Variants in SMAD6 observed in about 807,000 individuals in gnomAD.
SMAD6 encodes SMAD family member 6, also known as MAD homolog 6.
Under a neutral mutation model 39.4 loss-of-function variants are expected in SMAD6, and 103 were observed. The ratio of observed to expected loss-of-function variants is 2.62; its 90% CI spans 2.23 to 3.08. SMAD6 has a LOEUF of 3.08. Among genes scored for constraint, SMAD6 ranks in the 30% most tolerant of loss-of-function variants. The pLI is 0.00. For synonymous variants in SMAD6, 445 were observed against 353.3 expected (o/e 1.26, Z -2.91); for missense variants, 1,104 against 742.9 (o/e 1.49, Z -5.65).
intron 3 of SMAD6, among the ~76,000 whole-genome samples, chr15:66,738,014 T>G (rs1893744330): frequency 6.6e-6 from 1 of 152,210 alleles, no homozygotes; most frequent in African/African-American, 2.4e-5. Context: ...CTGGACTATT[T>G]TTGAGTGTTC....
At chr15:66,758,853 A>G (rs938954068) in intron 3 of SMAD6, among the ~76,000 whole-genome samples, 4 of 152,248 alleles carry the variant, frequency 2.6e-5, no homozygotes, top group African/African-American at 9.6e-5. Context: ...GGGAATGGGA[A>G]AAGACATAGA....
intron 3 of SMAD6, among the ~76,000 whole-genome samples, chr15:66,734,868 T>C (rs889602816): frequency 6.6e-6 from 1 of 152,266 alleles, no homozygotes; most frequent in Non-Finnish European, 1.5e-5. Context: ...TTTTATGTTA[T>C]GTGTATTTTA....
chr15:66,759,702 A>G (rs1894165572), intron 3 of SMAD6, among the ~76,000 whole-genome samples: 2 of 152,260 alleles, frequency 1.3e-5, no homozygotes. Context: ...AAGACCAGGA[A>G]CAAAAGCTCT....
At chr15:66,766,338 C>T (rs185486686) in intron 3 of SMAD6, among the ~76,000 whole-genome samples, 48 of 152,284 alleles carry the variant, frequency 3.2e-4, no homozygotes, top group African/African-American at 9.1e-4. Context: ...CCGTCCAGGA[C>T]GCACTCTGTG....
At chr15:66,732,537 A>G (rs889796436) in intron 3 of SMAD6, among the ~76,000 whole-genome samples, 1 of 151,662 alleles carries the variant, frequency 6.6e-6, no homozygotes, top group South Asian at 2.1e-4. Context: ...TATTTTATAT[A>G]TTTTTCTAGA....
chr15:66,775,367 T>C (rs1389125855), intron 3 of SMAD6, among the ~76,000 whole-genome samples: 3 of 152,190 alleles, frequency 2.0e-5, no homozygotes, highest in Non-Finnish European at 4.4e-5. Context: ...TTTTTGTTTA[T>C]TGGTTTTCTG....
chr15:66,780,870 A>AT (rs1381851133), intron 3 of SMAD6, 127 bp from the exon 4 acceptor site: 2 of 896,816 alleles, frequency 2.2e-6, no homozygotes, highest in Non-Finnish European at 3.3e-6. Context: ...CGGTGCCCAC[A>AT]TGACTGCTGA....
intron 3 of SMAD6, among the ~76,000 whole-genome samples, chr15:66,744,059 TGCCAGGTCAAAG>T (rs1323384187): frequency 6.6e-6 from 1 of 152,156 alleles, no homozygotes; most frequent in Admixed American, 6.5e-5. Flanking sequence ...GAAGTGGGAT[TGCCAGGTCAAAG>T]GCCACACACA....
Position 66,724,184 on chromosome 15 carries a change from T to TCA in SMAD6, c.952+7687_952+7688dup, listed in dbSNP as rs145970576. 4.1e-3 allele frequency among the ~76,000 whole-genome samples: 622 copies of TCA among 152,268 alleles called. 5 individuals are homozygous for TCA. Among genetic ancestry groups the TCA allele is most frequent in the African/African-American group, 0.014 (596 of 41,542 alleles). ...TAGAGGAATGAGCTGAAACAGCTGA[T>TCA]CATGGTCATGGATACCAGGGAACCC... is the stretch of plus-strand genomic sequence containing the variant. On this transcript the variant is annotated intron_variant, in intron 3 of 3. Coordinates refer to ENST00000288840, the MANE Select transcript of SMAD6 (RefSeq NM_005585.5).
intron 3 of SMAD6, among the ~76,000 whole-genome samples, chr15:66,732,582 G>C (rs1025857490): frequency 6.6e-6 from 1 of 152,032 alleles, no homozygotes; most frequent in South Asian, 2.1e-4. Context: ...GGCTGGTCTC[G>C]AACTCCTGGC....
intron 2 of SMAD6, among the ~76,000 whole-genome samples, chr15:66,712,151 T>G (rs1450598022): frequency 2.0e-5 from 3 of 152,212 alleles, no homozygotes; most frequent in African/African-American, 7.2e-5. Flanking sequence ...AAGTCTTTGT[T>G]GAGAGGAGCT....
intron 3 of SMAD6, among the ~76,000 whole-genome samples, chr15:66,753,388 G>C (rs1894041404): frequency 1.3e-5 from 2 of 152,214 alleles, no homozygotes; most frequent in Admixed American, 6.5e-5. Flanking sequence ...TCTCCAAGGA[G>C]CCCCAGTGGC....
intron 3 of SMAD6, among the ~76,000 whole-genome samples, chr15:66,770,976 C>T (rs1392024335): frequency 6.6e-6 from 1 of 152,240 alleles, no homozygotes; most frequent in Non-Finnish European, 1.5e-5. Context: ...CTCTTCGAAG[C>T]TATAGCTGCC....
chr15:66,764,859 A>G (rs1233959007), intron 3 of SMAD6, among the ~76,000 whole-genome samples: 1 of 152,194 alleles, frequency 6.6e-6, no homozygotes, highest in Non-Finnish European at 1.5e-5. Context: ...TCAAGTACCC[A>G]TTCTAACTTG....
At chr15:66,713,546 C>T (rs1001872998) in intron 2 of SMAD6, among the ~76,000 whole-genome samples, 4 of 152,340 alleles carry the variant, frequency 2.6e-5, no homozygotes, top group Admixed American at 1.3e-4. Context: ...TCTCGATCTC[C>T]TGACCTTGTG....
At chr15:66,728,386 G>A (rs1383657721) in intron 3 of SMAD6, among the ~76,000 whole-genome samples, 1 of 151,026 alleles carries the variant, frequency 6.6e-6, no homozygotes, top group African/African-American at 2.4e-5. Flanking sequence ...AATATTCGTG[G>A]GATTCATCCT....
intron 3 of SMAD6, among the ~76,000 whole-genome samples, chr15:66,759,076 C>G (rs969319331): frequency 2.0e-5 from 3 of 152,182 alleles, no homozygotes; most frequent in Non-Finnish European, 4.4e-5. Context: ...ATACATAAAA[C>G]AATGAGTAAG....
In SMAD6 at chr15:66,781,061, C is replaced by G. The variant is rs1350400597; in HGVS notation, c.1017C>G (p.His339Gln). The change falls in exon 4 of 4, where the codon CAC (histidine) becomes CAG (glutamine). Residue 339 changes from histidine to glutamine, a missense_variant. Transcript: ENST00000288840. ...GGTGCAGCGTGGCGTACTGGGAGCA[C>G]CGGACGCGCGTGGGCCGCCTCTATG... ...SHWCSVAYWE[H>Q]RTRVGRLYAV... 8 of 1,603,682 alleles carry G rather than the reference C, an allele frequency of 5.0e-6. No homozygotes were observed. The South Asian group carries it at 7.7e-5, about 16-fold the overall frequency.
chr15:66,717,542 TGTC>T (rs1893354239), intron 3 of SMAD6: 1 of 434,898 alleles, frequency 2.3e-6, no homozygotes. Context: ...CCTAAAGTCC[TGTC>T]GTTCTTGATG....
Sources: allele counts gnomAD v4.1 joint callset (sites outside exome capture counted in the v4.1 genomes callset), GRCh38; gene constraint gnomAD v4.1.1; transcripts MANE v1.5; gene names NCBI Gene and HGNC (gene_info 2026-07-23, HGNC 2026-07-21).